Variants in SEMA3B observed in about 807,000 individuals in gnomAD.
The protein encoded by SEMA3B is semaphorin 3B, also known as semaphorin-3B.
SEMA3B carries 71 observed loss-of-function variants against 77.8 expected under a neutral mutation model. The ratio of observed to expected loss-of-function variants is 0.91; its 90% confidence interval spans 0.75 to 1.11. The LOEUF (loss-of-function observed/expected upper bound fraction) is 1.11, where lower values mean the gene tolerates loss of function less well. Ranked by LOEUF, SEMA3B falls within the 50% of genes most tolerant of loss-of-function variation. The pLI is 0.00. For synonymous variants in SEMA3B, 470 were observed against 452.9 expected (o/e 1.04, Z -0.48); for missense variants, 968 against 1,056.8 (o/e 0.92, Z 1.17).
At chr3:50,260,272 A>G in the SEMA3B span, 3 of 149,644 alleles carry the variant, frequency 2.0e-5, no homozygotes, top group Admixed American at 2.0e-4. Context: ...CGGCCGCCCC[A>G]GGACAGAGCG....
At position 50,270,755 on chromosome 3, in the gene SEMA3B, C is replaced by T; in HGVS notation, c.331-135C>T. The T allele has an allele frequency of 7.0e-7, 1 of 1,422,214 alleles. No homozygotes were observed. Among genetic ancestry groups the T allele is most frequent in the Non-Finnish European group, 9.5e-7 (1 of 1,055,326 alleles). 88.1% of individuals were successfully genotyped at this position (1,422,214 alleles called of 1,614,324 possible). On this transcript the variant is annotated intron_variant, in intron 3 of 16. Coordinates refer to ENST00000616701, the MANE Select transcript of SEMA3B (RefSeq NM_001290060.2). The surrounding 1 kb of genome is among the most constrained non-coding windows in gnomAD (Gnocchi z 4.7). ...GGCCTGGGCTGGTCAGCAAGGGCCC[C>T]CAGGTCCCTGTAGCCCATGTTAGTA...
rs1701274298 is a variant in SEMA3B at position 50,276,835 on chromosome 3, G to C, written c.*129G>C. On this transcript the variant is annotated 3_prime_UTR_variant, in exon 17 of 17. Transcript: ENST00000616701. This position sits in a 1 kb window ranked among gnomAD's most constrained non-coding sequence, Gnocchi z 5.8. The stretch of plus-strand genomic sequence containing the variant: ...TCACCGGCCGATGGAGACACCAACC[G>C]ACAGGCCCTGGCTGAGGGCAGCTGC... 1 of 1,137,378 alleles carries C rather than the reference G, an allele frequency of 8.8e-7. No individual in the cohort carries two copies. The highest frequency in any genetic ancestry group is 1.6e-5 in the African/African-American group (1 of 60,620). The allele number at this position is 1,137,378 out of a possible 1,614,324, so 70.5% of individuals were successfully genotyped here.
chr3:50,265,875 C>T (rs1270000647), upstream of SEMA3B, among the ~76,000 whole-genome samples: 1 of 152,180 alleles, frequency 6.6e-6, no homozygotes, highest in African/African-American at 2.4e-5. Flanking sequence ...ACAACTTGAC[C>T]TCCCATCCCT....
At chr3:50,265,438 G>A (rs1464619762), upstream of SEMA3B, among the ~76,000 whole-genome samples, 1 of 151,640 alleles carries the variant, frequency 6.6e-6, no homozygotes, top group Non-Finnish European at 1.5e-5. Context: ...GTCCAGGCAG[G>A]GGCAAAGGGG....
In SEMA3B at chr3:50,275,998, C is replaced by A; in HGVS notation, c.1845+154C>A. 1.9e-6 allele frequency: 2 copies of A among 1,072,708 alleles called. No homozygotes were observed. Among genetic ancestry groups the A allele is most frequent in the Non-Finnish European group, 2.6e-6 (2 of 771,612 alleles). 66.4% of individuals were successfully genotyped at this position (1,072,708 alleles called of 1,614,324 possible). On this transcript the variant is annotated intron_variant, in intron 16 of 16. Transcript: ENST00000616701. This position sits in a 1 kb window ranked among gnomAD's most constrained non-coding sequence, Gnocchi z 7.5. ...CCTGCACTCCACAAGCTGCTGAGGC[C>A]CCATTGCGTCCAACGGGGCTCCCGA...
At position 50,274,797 on chromosome 3, in the gene SEMA3B, G is replaced by A. The variant is rs782627277; in HGVS notation, c.1358-46G>A. 2.5e-6 allele frequency: 4 copies of A among 1,590,926 alleles called. No homozygotes were observed. In the South Asian group the frequency reaches 4.5e-5, roughly 18 times the overall value. ...CAAAGGCGAGGAGACACTAGCCCCA[G>A]CTGTCCGGGAGCACCAATGGTCATT... On this transcript the variant is annotated intron_variant, in intron 11 of 16. Transcript: ENST00000616701. This position sits in a 1 kb window ranked among gnomAD's most constrained non-coding sequence, Gnocchi z 4.7.
At chr3:50,272,312 C>T (rs1282484898) in intron 6 of SEMA3B, among the ~76,000 whole-genome samples, 1 of 152,170 alleles carries the variant, frequency 6.6e-6, no homozygotes, top group Non-Finnish European at 1.5e-5. Context: ...CAGTGGCTCA[C>T]ACCTGTAATC....
In SEMA3B at chr3:50,275,752, G is replaced by A; in HGVS notation, c.1753G>A (p.Gly585Ser). The A allele has an allele frequency of 1.2e-6, 2 of 1,613,316 alleles. No individual in the cohort carries two copies. The highest frequency in any genetic ancestry group is 1.7e-6 in the Non-Finnish European group (2 of 1,179,844). Residue 585 changes from glycine to serine, a missense_variant, in exon 16 of 17, where the codon GGC (glycine) becomes AGC (serine). Gly to Ser is a moderately conservative substitution (Grantham distance 56). Coordinates refer to ENST00000616701, the MANE Select transcript of SEMA3B (RefSeq NM_001290060.2). The surrounding 1 kb of genome is among the most constrained non-coding windows in gnomAD (Gnocchi z 7.5). ...GGAACACAAGGTGTTCGGCGTGGAG[G>A]GCAGCAGCGCCTTTCTGGAGTGTGA... Reference protein sequence around the residue: ...LLEHKVFGVEGSSAFLECEPR... With the variant: ...LLEHKVFGVESSSAFLECEPR...
At chr3:50,268,141 G>C (rs1700949157), upstream of SEMA3B, among the ~76,000 whole-genome samples, 1 of 152,196 alleles carries the variant, frequency 6.6e-6, no homozygotes, top group Non-Finnish European at 1.5e-5. Flanking sequence ...AGGCCAGGAG[G>C]CTGGGGTGCA....
In SEMA3B at chr3:50,275,614, A is replaced by G. The variant is rs368328009; in HGVS notation, c.1704A>G (p.Gly568=). 19 of 1,613,688 alleles carry G rather than the reference A, an allele frequency of 1.2e-5. No homozygotes were observed. The highest frequency in any genetic ancestry group is 1.7e-5 in the Admixed American group (1 of 60,032). ...GCGACCCCAGCACGTTGTGCTCCGGAGGTGAGTGCCCCAGCTGCCCCTACC... is the reference window on the plus strand; with the variant it reads ...GCGACCCCAGCACGTTGTGCTCCGGGGGTGAGTGCCCCAGCTGCCCCTACC... ...RNGDPSTLCS[G]DSSRPALLEH... is the part of the protein sequence containing the mutation. The change falls in exon 15 of 17, where the codon GGA becomes GGG. Residue 568 remains glycine, a splice_region_variant and synonymous_variant. Transcript: ENST00000616701. The surrounding 1 kb of genome is among the most constrained non-coding windows in gnomAD (Gnocchi z 7.5).
chr3:50,271,675 A>G (rs1553705422), intron 6 of SEMA3B, among the ~76,000 whole-genome samples, 195 bp downstream of exon 6: 2 of 152,212 alleles, frequency 1.3e-5, no homozygotes, highest in Middle Eastern at 3.2e-3. Flanking sequence ...GATCACATAC[A>G]TGATAAGATC....
rs1553706437 is a variant in SEMA3B at position 50,275,594 on chromosome 3, C to G, written c.1684C>G (p.Pro562Ala). ...GCGGCAAGACGTAAGGAATGGCGAC[C>G]CCAGCACGTTGTGCTCCGGAGGTGA... ...FRRQDVRNGD[P>A]STLCSGDSSR... Residue 562 changes from proline to alanine, a missense_variant, in exon 15 of 17, where the codon CCC becomes GCC. Transcript: ENST00000616701. The surrounding 1 kb of genome is among the most constrained non-coding windows in gnomAD (Gnocchi z 7.5). The G allele has an allele frequency of 1.2e-6, 2 of 1,613,710 alleles. No homozygotes were observed. Among genetic ancestry groups the G allele is most frequent in the South Asian group, 1.1e-5 (1 of 91,088 alleles).
Position 50,275,211 on chromosome 3 carries a change from C to A in SEMA3B, c.1492-91C>A. The A allele has an allele frequency of 6.8e-7, 1 of 1,462,142 alleles. No individual in the cohort carries two copies. The allele number at this position is 1,462,142 out of a possible 1,614,324, so 90.6% of individuals were successfully genotyped here. On this transcript the variant is annotated intron_variant, in intron 13 of 16. Transcript: ENST00000616701. The surrounding 1 kb of genome is among the most constrained non-coding windows in gnomAD (Gnocchi z 7.5). Reference sequence around the variant, plus strand: ...CCTGAGGCGTAAGACCTCAGTGTTCCCATCTGTCGAGTGGAAGAAGGGATC... The same window carrying A: ...CCTGAGGCGTAAGACCTCAGTGTTCACATCTGTCGAGTGGAAGAAGGGATC...
At chr3:50,262,371 C>G in the SEMA3B span, 1 of 152,198 alleles carries the variant, frequency 6.6e-6, no homozygotes, top group Non-Finnish European at 1.5e-5. Context: ...GAGGCCAAGG[C>G]AGGAGGATCA....
At position 50,270,014 on chromosome 3, in the gene SEMA3B, G is replaced by A; in HGVS notation, c.110-113G>A. 6.9e-6 allele frequency: 8 copies of A among 1,161,720 alleles called. No individual in the cohort carries two copies. Among genetic ancestry groups the A allele is most frequent in the Non-Finnish European group, 9.4e-6 (8 of 852,354 alleles). The allele number at this position is 1,161,720 out of a possible 1,614,324, so 72.0% of individuals were successfully genotyped here. On this transcript the variant is annotated intron_variant, in intron 1 of 16. Transcript: ENST00000616701. This position sits in a 1 kb window ranked among gnomAD's most constrained non-coding sequence, Gnocchi z 4.7. ...AACTCACACACATGTAAACTCACAT[G>A]TGTACAGGCCAGGTCCTAATGGCAA...
rs1553705149 is a variant in SEMA3B, at chr3:50,270,408, C to T, written c.268-25C>T. On this transcript the variant is annotated intron_variant, in intron 2 of 16. Coordinates refer to ENST00000616701, the MANE Select transcript of SEMA3B (RefSeq NM_001290060.2). The surrounding 1 kb of genome is among the most constrained non-coding windows in gnomAD (Gnocchi z 4.7). ...AATATCCCAAGTTCCTGACCTGTGT[C>T]CCCTCTCCCCCAACCTCCCGATAGC... The T allele has an allele frequency of 6.2e-7, 1 of 1,613,730 alleles. No individual in the cohort carries two copies. The highest frequency in any genetic ancestry group is 8.5e-7 in the Non-Finnish European group (1 of 1,179,800).
chr3:50,263,327 C>T (rs1553704140), upstream of SEMA3B: 1 of 151,166 alleles, frequency 6.6e-6, no homozygotes, highest in East Asian at 1.9e-4. Context: ...GTGAGACCTC[C>T]ATTTTTACAA....
upstream of SEMA3B, among the ~76,000 whole-genome samples, chr3:50,268,399 C>T (rs1023012323): frequency 3.3e-5 from 5 of 152,212 alleles, no homozygotes; most frequent in African/African-American, 4.8e-5. Context: ...TGGGTGCACA[C>T]GTTTGCACAT....
chr3:50,276,645 G>A lies in SEMA3B; in HGVS notation c.2189G>A (p.Arg730Gln), dbSNP rs782057529. The change falls in exon 17 of 17, where the codon CGG (arginine) becomes CAG (glutamine). Residue 730 changes from arginine (R) to glutamine (Q), a missense_variant. Arg to Gln is a conservative substitution (Grantham distance 43). Coordinates refer to ENST00000616701, the MANE Select transcript of SEMA3B (RefSeq NM_001290060.2). The surrounding 1 kb of genome is among the most constrained non-coding windows in gnomAD (Gnocchi z 5.8). ...GAGTCGCGGAGAAAGGGCCGTAACCGGAGGACCCACGCCCCTGAGCCTCGC... is the reference window on the plus strand; with the variant it reads ...GAGTCGCGGAGAAAGGGCCGTAACCAGAGGACCCACGCCCCTGAGCCTCGC... ...PLESRRKGRN[R>Q]RTHAPEPRAE... 4.4e-6 allele frequency: 7 copies of A among 1,594,918 alleles called. No homozygotes were observed. In the East Asian group the frequency reaches 6.8e-5, roughly 16 times the overall value.
Sources: gnomAD v4.1 joint callset for allele counts (sites outside exome capture counted in the v4.1 genomes callset) on GRCh38, gnomAD v4.1.1 for gene constraint, Gnocchi (gnomAD v3.1) non-coding constraint, MANE v1.5 for transcripts, NCBI Gene and HGNC (gene_info 2026-07-23, HGNC 2026-07-21) for gene names.